Variants in ROS1 observed in about 807,000 individuals in gnomAD.
ROS1 encodes the protein proto-oncogene tyrosine-protein kinase ROS.
Under a neutral mutation model 273.5 loss-of-function variants are expected in ROS1, and 263 were observed. The observed-to-expected ratio is 0.96, with a 90% CI of 0.87 to 1.06. The LOEUF (loss-of-function observed/expected upper bound fraction) is 1.06, where lower values mean the gene tolerates loss of function less well. Ranked by LOEUF, ROS1 falls within the 50% of genes least tolerant of loss-of-function variation. The probability of loss-of-function intolerance (pLI) is 0.00; values close to 1 mark genes in which losing one functional copy is unlikely to be tolerated. For missense variants in ROS1, 2,833 were observed against 2,751.1 expected (o/e 1.03, Z -0.67); for synonymous variants, 1,008 against 954.1 (o/e 1.06, Z -1.04).
intron 7 of ROS1, among the ~76,000 whole-genome samples, chr6:117,401,817 A>T (rs1198675571): frequency 2.0e-5 from 3 of 151,418 alleles, no homozygotes; most frequent in Non-Finnish European, 4.4e-5. Context: ...AAAAAAAAAA[A>T]AAAAAAACAG....
rs1772889433 is a variant in ROS1 at position 117,389,658 on chromosome 6, C to T, written c.1478G>A (p.Gly493Asp). 1 of 1,614,160 alleles carries T rather than the reference C, an allele frequency of 6.2e-7. No homozygotes were observed. The highest frequency in any genetic ancestry group is 2.2e-5 in the East Asian group (1 of 44,880). The change falls in exon 13 of 44, where the codon GGC becomes GAC. Residue 493 changes from glycine (G) to aspartate (D), a missense_variant. Coordinates refer to ENST00000368507, the MANE Select transcript of ROS1 (RefSeq NM_001378902.1). ...AQVFMSTFLD[G>D]SASHLILPRI... Reference sequence around the variant, plus strand: ...AGGTAGGATGAGATGGGAAGCAGAGCCATCCAGAAATGTTGACATGAAGAC... The same window carrying T: ...AGGTAGGATGAGATGGGAAGCAGAGTCATCCAGAAATGTTGACATGAAGAC...
chr6:117,395,166 G>A (rs772656769), intron 9 of ROS1, among the ~76,000 whole-genome samples: 1 of 151,866 alleles, frequency 6.6e-6, no homozygotes, highest in Non-Finnish European at 1.5e-5. Context: ...TTGCCTTTAG[G>A]GCAGAAGAAA....
chr6:117,326,604 C>G (rs182545908), intron 33 of ROS1, among the ~76,000 whole-genome samples, 190 bp from the exon 34 acceptor site: 227 of 152,176 alleles, frequency 1.5e-3, no homozygotes, highest in African/African-American at 5.2e-3. Context: ...CCTAGTGAGG[C>G]ATGGAGCCAA....
At chr6:117,364,441 C>G (rs1270846999) in intron 21 of ROS1, among the ~76,000 whole-genome samples, 1 of 152,184 alleles carries the variant, frequency 6.6e-6, no homozygotes, top group Non-Finnish European at 1.5e-5. Flanking sequence ...TGGGCAACTA[C>G]TAGGCTTTCA....
intron 1 of ROS1, among the ~76,000 whole-genome samples, chr6:117,422,396 C>A (rs78303599): frequency 0.016 from 2,480 of 152,264 alleles, 56 homozygotes; most frequent in African/African-American, 0.056. Flanking sequence ...ACATGGATAG[C>A]AACTCATTGG....
chr6:117,362,738 A>G lies in ROS1; in HGVS notation c.3231T>C (p.Phe1077=), dbSNP rs1209463562. 1 of 1,613,766 alleles carries G rather than the reference A, an allele frequency of 6.2e-7. No individual in the cohort carries two copies. The highest frequency in any genetic ancestry group is 1.7e-5 in the Admixed American group (1 of 59,986). Residue 1077 remains phenylalanine (F), a synonymous_variant, in exon 22 of 44, where the codon TTT becomes TTC. Transcript: ENST00000368507. ...GATTGGATATATTGTAGAAAATTTC[A>G]AATTTTGTTAACACCCCATTTTCAT... ...PKHENGVLTK[F]EIFYNISNQS... is the part of the protein sequence containing the mutation.
intron 14 of ROS1, among the ~76,000 whole-genome samples, chr6:117,387,555 A>G (rs1302879141): frequency 6.6e-6 from 1 of 152,194 alleles, no homozygotes; most frequent in East Asian, 1.9e-4. Context: ...GAAAGTTTAA[A>G]ATGGCAGGTT....
At position 117,366,136 on chromosome 6, in the gene ROS1, A is replaced by G. The variant is rs1221150644; in HGVS notation, c.2737T>C (p.Leu913=). ...AACTGATTAAATCTGGCTGGTTCCA[A>G]AACAGAGACACTGGTTTTCTGACCT... The part of the protein sequence containing the change: ...EIGQKTSVSV[L]EPARFNQFTI... Residue 913 remains leucine (L), a synonymous_variant, in exon 19 of 44, where the codon TTG becomes CTG. Transcript: ENST00000368507. The G allele has an allele frequency of 1.9e-6, 3 of 1,614,062 alleles. No individual in the cohort carries two copies. In the Admixed American group the frequency reaches 5.0e-5, roughly 27 times the overall value.
chr6:117,357,969 G>A lies in ROS1; in HGVS notation c.3674C>T (p.Thr1225Ile), dbSNP rs2128645864. The change falls in exon 25 of 44, where the codon ACA becomes ATA. Residue 1225 changes from threonine to isoleucine, a missense_variant. Physicochemically the swap from Thr to Ile is moderately conservative, Grantham distance 89. Transcript: ENST00000368507. ...DSLVFDITVI[T>I]IDWISRHLYF... ...GAGGTGCCTTGAAATCCAGTCAATT[G>A]TAATAACTGTGATATCAAAAACCAG... 6.2e-7 allele frequency: 1 copy of A among 1,613,510 alleles called. No homozygotes were observed. Among genetic ancestry groups the A allele is most frequent in the East Asian group, 2.2e-5 (1 of 44,810 alleles).
intron 7 of ROS1, among the ~76,000 whole-genome samples, chr6:117,397,913 T>C (rs1333820490): frequency 1.3e-5 from 2 of 152,188 alleles, no homozygotes; most frequent in Admixed American, 6.5e-5. Flanking sequence ...AATTAGAAGT[T>C]ACTTTGCTCT....
intron 39 of ROS1, among the ~76,000 whole-genome samples, chr6:117,312,253 T>C (rs1000064711): frequency 1.3e-5 from 2 of 152,098 alleles, no homozygotes; most frequent in East Asian, 1.9e-4. Flanking sequence ...TAGCTGAGTA[T>C]CTCAAATGAT....
Position 117,394,739 on chromosome 6 carries a change from C to A in ROS1, c.884-1G>T, listed in dbSNP as rs771318699. 4 of 1,602,972 alleles carry A rather than the reference C, an allele frequency of 2.5e-6. No individual in the cohort carries two copies. The highest frequency in any genetic ancestry group is 3.4e-6 in the Non-Finnish European group (4 of 1,176,012). ...AAGAGCCACTGTTCCTCTTGTTGAA[C>A]TGAAAAAAACAACACAATTTGCAGA... On this transcript the variant is annotated splice_acceptor_variant, in intron 9 of 43. Coordinates refer to ENST00000368507, the MANE Select transcript of ROS1 (RefSeq NM_001378902.1). LOFTEE classifies it high-confidence loss of function.
chr6:117,350,687 C>CTT (rs548987983), intron 27 of ROS1, among the ~76,000 whole-genome samples: 283 of 130,028 alleles, frequency 2.2e-3, no homozygotes, highest in East Asian at 3.7e-3. Context: ...GGTTTTTTTC[C>CTT]TTTTTTTTTT....
At chr6:117,420,160 G>A (rs1370880537) in intron 1 of ROS1, among the ~76,000 whole-genome samples, 2 of 151,850 alleles carry the variant, frequency 1.3e-5, no homozygotes, top group Non-Finnish European at 2.9e-5. Flanking sequence ...GGATTTGAAG[G>A]GGGCAGAGTG....
At chr6:117,378,313 A>G (rs1781503587) in intron 18 of ROS1, among the ~76,000 whole-genome samples, 1 of 152,204 alleles carries the variant, frequency 6.6e-6, no homozygotes, top group Non-Finnish European at 1.5e-5. Flanking sequence ...TCTTCACACA[A>G]TGGAATACCA....
chr6:117,333,033 CA>C (rs1424119768), intron 32 of ROS1, among the ~76,000 whole-genome samples: 1 of 148,010 alleles, frequency 6.8e-6, no homozygotes, highest in Non-Finnish European at 1.5e-5. Flanking sequence ...AAAAGCCCTC[CA>C]AAAAAAATCA....
rs150002762 is a variant in ROS1 at position 117,393,322 on chromosome 6, C to T, written c.1192-1G>A. On this transcript the variant is annotated splice_acceptor_variant, in intron 11 of 43. Coordinates refer to ENST00000368507, the MANE Select transcript of ROS1 (RefSeq NM_001378902.1). LOFTEE classifies it high-confidence loss of function. ...AGTTCTCTAAATCACAGACACATAC[C>T]TAAAAAAATAAAAAATATACCGGTA... 4.5e-5 allele frequency: 72 copies of T among 1,584,536 alleles called. No homozygotes were observed. In the African/African-American group the frequency reaches 8.8e-4, roughly 19 times the overall value.
intron 17 of ROS1, among the ~76,000 whole-genome samples, chr6:117,380,268 A>G (rs1008588955): frequency 3.9e-5 from 6 of 152,276 alleles, no homozygotes; most frequent in South Asian, 2.1e-4. Flanking sequence ...AAAGACTACA[A>G]TAAGGTATCC....
At chr6:117,313,674 C>T (rs2128552561) in intron 39 of ROS1, among the ~76,000 whole-genome samples, 1 of 152,180 alleles carries the variant, frequency 6.6e-6, no homozygotes, top group East Asian at 1.9e-4. Context: ...CTAGACTAAG[C>T]TTTCCGGGCC....
Sources: gnomAD v4.1 joint callset for allele counts (sites outside exome capture counted in the v4.1 genomes callset) on GRCh38, gnomAD v4.1.1 for gene constraint, MANE v1.5 for transcripts, NCBI Gene and HGNC (gene_info 2026-07-23, HGNC 2026-07-21) for gene names.